SHISAL1: variants seen among roughly 807,000 people sequenced by gnomAD.
The protein encoded by SHISAL1 is protein shisa-like-1.
SHISAL1 carries 9 observed loss-of-function variants against 22.6 expected under a neutral mutation model. That is an observed-to-expected ratio of 0.40 (90% confidence interval 0.24 to 0.70). SHISAL1 has a LOEUF of 0.70. SHISAL1 is among the 30% of genes least tolerant of loss of function. The pLI is 0.39. For missense variants in SHISAL1, 246 were observed against 270.6 expected (o/e 0.91, Z 0.64); for synonymous variants, 119 against 115.4 (o/e 1.03, Z -0.20).
chr22:44,291,152 AC>A (rs2055350001), intron 3 of SHISAL1, among the ~76,000 whole-genome samples: 1 of 152,192 alleles, frequency 6.6e-6, no homozygotes, highest in African/African-American at 2.4e-5. Context: ...GTGTGGCTTC[AC>A]CACTGCCTTC....
At chr22:44,321,029 G>A in the SHISAL1 span, among the ~76,000 whole-genome samples, 2 of 152,188 alleles carry the variant, frequency 1.3e-5, no homozygotes, top group African/African-American at 4.8e-5. Flanking sequence ...CTCGGGCACT[G>A]ACATGCCTGG....
Position 44,301,338 on chromosome 22 carries a change from C to T in SHISAL1, c.-32-361G>A, listed in dbSNP as rs528435247. ...CGGCCACCTCGAGGAGCTTACAGGA[C>T]CCAGGTCCCCTGCTGTGTCGCTAAG... On this transcript the variant is annotated intron_variant, in intron 1 of 4. Coordinates refer to ENST00000381176, the MANE Select transcript of SHISAL1 (RefSeq NM_001099294.2). Among the ~76,000 whole-genome samples the T allele has an allele frequency of 1.3e-3, 192 of 152,258 alleles. 1 individual carries two copies. Among genetic ancestry groups the T allele is most frequent in the Middle Eastern group, 0.01 (3 of 294 alleles).
chr22:44,249,644 A>C lies in SHISAL1; in HGVS notation c.*41T>G, dbSNP rs760218163. On this transcript the variant is annotated 3_prime_UTR_variant, in exon 5 of 5. Transcript: ENST00000381176. ...TCTCGGAGGCTGCACCGGGTGCTTC[A>C]GATCTCATCTCCCCCATCCTGAGGC... is the stretch of plus-strand genomic sequence containing the variant. 9 of 779,766 alleles carry C rather than the reference A, an allele frequency of 1.2e-5. No homozygotes were observed. Among genetic ancestry groups the C allele is most frequent in the African/African-American group, 3.4e-5 (2 of 59,062 alleles). The allele number at this position is 779,766 out of a possible 1,614,324, so 48.3% of individuals were successfully genotyped here. A position where few individuals can be genotyped will look rare whatever the true frequency, so the allele number is the denominator to read the frequency against.
chr22:44,274,054 C>T (rs1473061638), intron 4 of SHISAL1, among the ~76,000 whole-genome samples: 1 of 148,712 alleles, frequency 6.7e-6, no homozygotes, highest in African/African-American at 2.5e-5. Context: ...TCCCGGCCCC[C>T]CCCTCCCCCC....
chr22:44,291,072 T>C (rs1247749948), intron 3 of SHISAL1, among the ~76,000 whole-genome samples: 1 of 152,202 alleles, frequency 6.6e-6, no homozygotes, highest in Admixed American at 6.5e-5. Flanking sequence ...ACAAGTGACG[T>C]GCTTTGGCCA....
intron 1 of SHISAL1, among the ~76,000 whole-genome samples, chr22:44,307,062 C>A (rs1356061599): frequency 1.3e-5 from 2 of 152,186 alleles, no homozygotes; most frequent in African/African-American, 2.4e-5. Context: ...TGGACAACAT[C>A]CCCTGAGGGG....
chr22:44,269,738 A>T (rs1312718868), intron 4 of SHISAL1, among the ~76,000 whole-genome samples: 1 of 151,394 alleles, frequency 6.6e-6, no homozygotes, highest in Non-Finnish European at 1.5e-5. Flanking sequence ...CACAGACATC[A>T]CACAATGCAC....
intron 4 of SHISAL1, among the ~76,000 whole-genome samples, chr22:44,266,624 C>T (rs1342053899): frequency 6.6e-6 from 1 of 151,198 alleles, no homozygotes; most frequent in African/African-American, 2.4e-5. Context: ...GGCCAGGGCA[C>T]ATTGTAGGTG....
chr22:44,250,410 A>G (rs1483619354), intron 4 of SHISAL1, among the ~76,000 whole-genome samples: 2 of 152,258 alleles, frequency 1.3e-5, no homozygotes, highest in South Asian at 2.1e-4. Flanking sequence ...CAAGATCTAC[A>G]GTGTGGAAAC....
chr22:44,307,880 C>T (rs1183636641), intron 1 of SHISAL1, among the ~76,000 whole-genome samples: 1 of 152,154 alleles, frequency 6.6e-6, no homozygotes, highest in East Asian at 1.9e-4. Context: ...GGATGGCCTG[C>T]GGGGAGGGGC....
intron 3 of SHISAL1, among the ~76,000 whole-genome samples, chr22:44,292,750 C>T (rs2055361384): frequency 6.6e-6 from 1 of 152,354 alleles, no homozygotes; most frequent in South Asian, 2.1e-4. Flanking sequence ...CACCAGGCCC[C>T]ACGTCAGCTC....
At chr22:44,290,271 T>A (rs1441681170) in intron 3 of SHISAL1, among the ~76,000 whole-genome samples, 1 of 152,218 alleles carries the variant, frequency 6.6e-6, no homozygotes, top group Non-Finnish European at 1.5e-5. Flanking sequence ...GGCTCACACC[T>A]GTAATCCCAG....
chr22:44,266,484 CTGT>C (rs911529928), intron 4 of SHISAL1, among the ~76,000 whole-genome samples: 3 of 84,516 alleles, frequency 3.5e-5, no homozygotes, highest in Non-Finnish European at 6.0e-5. Context: ...GTGTGTGTGT[CTGT>C]TGGGGGCTCT....
At chr22:44,302,634 G>A (rs1264579567) in intron 1 of SHISAL1, among the ~76,000 whole-genome samples, 1 of 151,750 alleles carries the variant, frequency 6.6e-6, no homozygotes, top group Non-Finnish European at 1.5e-5. Flanking sequence ...AAGGCCCTGG[G>A]GTGGGTGCGG....
At chr22:44,295,244 T>C (rs1298713198) in intron 3 of SHISAL1, among the ~76,000 whole-genome samples, 1 of 151,902 alleles carries the variant, frequency 6.6e-6, no homozygotes, top group Admixed American at 6.6e-5. Context: ...ATTTAGTATA[T>C]TAAGATATTT....
At chr22:44,253,247 T>C (rs2055061226) in intron 4 of SHISAL1, among the ~76,000 whole-genome samples, 3 of 151,870 alleles carry the variant, frequency 2.0e-5, no homozygotes, top group Non-Finnish European at 4.4e-5. Context: ...AAAGCTGAAG[T>C]CAGGGCAAAA....
chr22:44,255,531 C>T (rs960734665), intron 4 of SHISAL1, among the ~76,000 whole-genome samples: 5 of 152,186 alleles, frequency 3.3e-5, no homozygotes, highest in African/African-American at 1.2e-4. Flanking sequence ...TTGGACCTTC[C>T]TTCAGAATCT....
upstream of SHISAL1, among the ~76,000 whole-genome samples, chr22:44,315,188 C>CA (rs2055550368): frequency 6.6e-6 from 1 of 152,070 alleles, no homozygotes; most frequent in Non-Finnish European, 1.5e-5. Flanking sequence ...AGGAAGCAGG[C>CA]AGAGACATGG....
chr22:44,293,644 A>T (rs945886673), intron 3 of SHISAL1, among the ~76,000 whole-genome samples: 2 of 152,152 alleles, frequency 1.3e-5, no homozygotes, highest in African/African-American at 4.8e-5. Flanking sequence ...TGCTGGCTCC[A>T]CCACGAACCG....
Sources: allele counts gnomAD v4.1 joint callset (sites outside exome capture counted in the v4.1 genomes callset), GRCh38; gene constraint gnomAD v4.1.1; transcripts MANE v1.5; gene names NCBI Gene and HGNC (gene_info 2026-07-23, HGNC 2026-07-21).